The following KIF13B variants were observed in gnomAD, a reference collection of about 807,000 sequenced individuals.
KIF13B encodes kinesin family member 13B, also known as kinesin-like protein KIF13B.
A neutral mutation model predicts 222.0 loss-of-function variants in KIF13B; 127 were observed. That is an observed-to-expected ratio of 0.57 (90% CI 0.50 to 0.66). KIF13B has a LOEUF of 0.66. KIF13B is among the 30% of genes least tolerant of loss of function. The probability of loss-of-function intolerance (pLI) is 0.00; values close to 1 mark genes in which losing one functional copy is unlikely to be tolerated. For missense variants in KIF13B, 2,173 were observed against 2,379.0 expected, an observed-to-expected ratio of 0.91 and a Z score of 1.80; for synonymous variants, 976 against 919.0, an observed-to-expected ratio of 1.06 and a Z score of -1.12.
chr8:29,232,699 G>C (rs898018357), intron 2 of KIF13B, among the ~76,000 whole-genome samples: 7 of 152,210 alleles, frequency 4.6e-5, no homozygotes, highest in South Asian at 2.1e-4. Context: ...CTTGTTCACG[G>C]TAAGCACAAC....
At chr8:29,078,638 A>G (rs1482175855) in intron 37 of KIF13B, among the ~76,000 whole-genome samples, 4 of 152,214 alleles carry the variant, frequency 2.6e-5, no homozygotes, top group Admixed American at 2.6e-4. Flanking sequence ...AATAAAAATG[A>G]CTGTGAAGTA....
At chr8:29,105,146 T>G (rs1028498097) in intron 35 of KIF13B, among the ~76,000 whole-genome samples, 4 of 152,102 alleles carry the variant, frequency 2.6e-5, no homozygotes, top group African/African-American at 9.7e-5. Flanking sequence ...TTTTAAATTT[T>G]TTTTTGCAGA....
chr8:29,228,201 C>T (rs1815111450), intron 2 of KIF13B, among the ~76,000 whole-genome samples: 1 of 151,674 alleles, frequency 6.6e-6, no homozygotes, highest in Non-Finnish European at 1.5e-5. Flanking sequence ...CTCAGTGGCT[C>T]ACGCCTGTAA....
intron 21 of KIF13B, chr8:29,138,390 C>T (rs1253481040): frequency 2.0e-5 from 3 of 147,426 alleles, no homozygotes; most frequent in African/African-American, 7.5e-5. Context: ...CAACATTTAT[C>T]CTTCCTTTTC....
intron 24 of KIF13B, among the ~76,000 whole-genome samples, chr8:29,129,145 C>G (rs192899542): frequency 1.3e-5 from 2 of 152,264 alleles, no homozygotes; most frequent in Admixed American, 1.3e-4. Context: ...AGAGGCATAT[C>G]CTTCAAAAAG....
Position 29,124,070 on chromosome 8 carries a change from A to G in KIF13B, c.3306T>C (p.Arg1102=). Residue 1102 remains arginine, a synonymous_variant, in exon 27 of 40, where the codon CGT becomes CGC. Coordinates refer to ENST00000524189, the MANE Select transcript of KIF13B (RefSeq NM_015254.4). The part of the protein sequence containing the change: ...RRKWLNALTK[R]QEYLDQQLQK... Reference sequence around the variant, plus strand: ...GCAATTGTTGATCCAAGTACTCCTGACGTTTTGTTAATGCATTTAGCCATT... The same window carrying G: ...GCAATTGTTGATCCAAGTACTCCTGGCGTTTTGTTAATGCATTTAGCCATT... 4 of 1,613,408 alleles carry G rather than the reference A, an allele frequency of 2.5e-6. No homozygotes were observed. The highest frequency in any genetic ancestry group is 3.4e-6 in the Non-Finnish European group (4 of 1,179,526).
At chr8:29,122,841 T>C (rs1269111865) in intron 28 of KIF13B, among the ~76,000 whole-genome samples, 195 bp from the exon 29 acceptor site, 1 of 152,252 alleles carries the variant, frequency 6.6e-6, no homozygotes, top group Non-Finnish European at 1.5e-5. Context: ...CCCTGACATT[T>C]GAACTTAGCC....
intron 29 of KIF13B, among the ~76,000 whole-genome samples, chr8:29,121,015 T>G (rs1350827510): frequency 1.5e-5 from 2 of 131,858 alleles, no homozygotes; most frequent in Non-Finnish European, 3.2e-5. Context: ...TCGCCCACTT[T>G]TTGATGGGGT....
At chr8:29,224,099 C>T (rs185696832) in intron 2 of KIF13B, among the ~76,000 whole-genome samples, 204 of 151,556 alleles carry the variant, frequency 1.3e-3, no homozygotes, top group African/African-American at 4.8e-3. Context: ...CCTGGGTTCA[C>T]GCCATTCTCC....
chr8:29,249,904 A>T, intron 1 of KIF13B: 1 of 553,072 alleles, frequency 1.8e-6, no homozygotes, highest in Non-Finnish European at 3.0e-6. Context: ...TTTTGTCTTT[A>T]AATCTGCTCT....
At chr8:29,134,870 G>A (rs1489027861) in intron 21 of KIF13B, among the ~76,000 whole-genome samples, 1 of 152,178 alleles carries the variant, frequency 6.6e-6, no homozygotes, top group African/African-American at 2.4e-5. Context: ...TCTCTATGCA[G>A]ATTTGGGGGA....
rs947390958 is a variant in KIF13B, at chr8:29,071,236, C to T, written c.5218+384G>A. On this transcript the variant is annotated intron_variant, in intron 39 of 39. Transcript: ENST00000524189. The surrounding 1 kb of genome is among the most constrained non-coding windows in gnomAD (Gnocchi z 4.9). ...CAAATGAGGGCGAGTCAGAGGCCAGCGAGATGTGTCCGGATGGGGTGAGGA... is the reference window on the plus strand; with the variant it reads ...CAAATGAGGGCGAGTCAGAGGCCAGTGAGATGTGTCCGGATGGGGTGAGGA... Among the ~76,000 whole-genome samples the T allele has an allele frequency of 2.0e-5, 3 of 152,072 alleles. No individual in the cohort carries two copies. The highest frequency in any genetic ancestry group is 7.2e-5 in the African/African-American group (3 of 41,390).
chr8:29,231,047 A>AT (rs1815263348), intron 2 of KIF13B, among the ~76,000 whole-genome samples: 1 of 151,782 alleles, frequency 6.6e-6, no homozygotes, highest in East Asian at 1.9e-4. Context: ...TGCCCAGGTG[A>AT]TTTTTTTATT....
intron 35 of KIF13B, among the ~76,000 whole-genome samples, chr8:29,105,077 C>A (rs1808990538): frequency 6.6e-6 from 1 of 152,004 alleles, no homozygotes; most frequent in African/African-American, 2.4e-5. Flanking sequence ...AGTGATCCTC[C>A]CCTGCCTCAG....
intron 15 of KIF13B, 118 bp downstream of exon 15, chr8:29,150,179 A>C (rs896283255): frequency 1.6e-6 from 1 of 620,524 alleles, no homozygotes; most frequent in African/African-American, 1.8e-5. Context: ...CAGCAAATAT[A>C]TACGTACACA....
At chr8:29,119,191 T>TAG (rs2129700047) in intron 29 of KIF13B, among the ~76,000 whole-genome samples, 199 bp from the exon 30 acceptor site, 1 of 152,308 alleles carries the variant, frequency 6.6e-6, no homozygotes, top group African/African-American at 2.4e-5. Flanking sequence ...AAAAATGATC[T>TAG]CATCCAATCT....
intron 10 of KIF13B, among the ~76,000 whole-genome samples, chr8:29,170,713 A>G (rs1312504900): frequency 2.0e-5 from 3 of 152,214 alleles, no homozygotes; most frequent in Non-Finnish European, 4.4e-5. Context: ...CAAGAAGCAC[A>G]AGATGAACAA....
Position 29,148,692 on chromosome 8 carries a change from A to C in KIF13B, c.1698T>G (p.Asn566Lys), listed in dbSNP as rs1465883481. Residue 566 changes from asparagine to lysine, a missense_variant, in exon 16 of 40, where the codon AAT becomes AAG. This residue lies in a region of KIF13B where 1,480 missense variants were observed against 1,722.8 expected (regional missense o/e 0.86). Coordinates refer to ENST00000524189, the MANE Select transcript of KIF13B (RefSeq NM_015254.4). ...EDQDPSMKNE[N>K]SSEQLDVDGD... Reference sequence around the variant, plus strand: ...CGTCTACATCCAGCTGCTCAGAACTATTCTCGTTCTTCATGGAGGGATCCT... The same window carrying C: ...CGTCTACATCCAGCTGCTCAGAACTCTTCTCGTTCTTCATGGAGGGATCCT... 6.2e-7 allele frequency: 1 copy of C among 1,612,256 alleles called. No individual in the cohort carries two copies. The highest frequency in any genetic ancestry group is 2.2e-5 in the East Asian group (1 of 44,830).
chr8:29,250,119 G>T, intron 1 of KIF13B: 2 of 1,119,144 alleles, frequency 1.8e-6, no homozygotes, highest in Non-Finnish European at 2.4e-6. Context: ...CAACTCTCCG[G>T]AAATCTACTG....
Sources: gnomAD v4.1 joint callset for allele counts (sites outside exome capture counted in the v4.1 genomes callset) on GRCh38, gnomAD v4.1.1 for gene constraint, gnomAD v4.1.1 regional missense constraint, Gnocchi (gnomAD v3.1) non-coding constraint, MANE v1.5 for transcripts, NCBI Gene and HGNC (gene_info 2026-07-23, HGNC 2026-07-21) for gene names.